The following EHMT1 variants were observed in gnomAD, a reference collection of about 807,000 sequenced individuals.
The protein encoded by EHMT1 is euchromatic histone lysine methyltransferase 1, also known as histone-lysine N-methyltransferase EHMT1.
EHMT1 carries 15 observed loss-of-function variants against 147.2 expected under a neutral mutation model. That is an observed-to-expected ratio of 0.10 (90% CI 0.07 to 0.16). EHMT1 has a LOEUF of 0.16. Ranked by LOEUF, EHMT1 falls within the 10% of genes least tolerant of loss-of-function variation. EHMT1 has a pLI of 1.00. For missense variants in EHMT1, 1,587 were observed against 1,772.4 expected (o/e 0.90, Z 1.88); for synonymous variants, 795 against 709.6 (o/e 1.12, Z -1.91).
rs55974228 is a variant in EHMT1 at position 137,810,005 on chromosome 9, T to G, written c.2713-1456T>G. 1.7e-4 allele frequency among the ~76,000 whole-genome samples: 15 copies of G among 87,720 alleles called. No homozygotes were observed. The South Asian group carries it at 2.5e-3, about 14-fold the overall frequency. The allele number at this position is 87,720 out of a possible 152,430, so 57.5% of individuals were successfully genotyped here. On this transcript the variant is annotated intron_variant, in intron 18 of 26. Transcript: ENST00000460843. ...CCGGAGGCGGTTCCGATGCTGCCCC[T>G]CGTGGACTGTGGGTGATGGGTCCGG...
At chr9:137,620,200 G>T (rs1842869356) in intron 1 of EHMT1, 1 of 152,074 alleles carries the variant, frequency 6.6e-6, no homozygotes, top group African/African-American at 2.4e-5. Flanking sequence ...CAGCATTCAA[G>T]GAATTAATAT....
intron 1 of EHMT1, among the ~76,000 whole-genome samples, chr9:137,678,266 G>T (rs1801383482): frequency 6.6e-6 from 1 of 152,080 alleles, no homozygotes; most frequent in Admixed American, 6.6e-5. Flanking sequence ...CACTGCTAGA[G>T]CCCCCAGCAC....
In EHMT1 at chr9:137,774,962, A is replaced by G. The variant is rs1411420429; in HGVS notation, c.1648-147A>G. On this transcript the variant is annotated intron_variant, in intron 10 of 26. Coordinates refer to ENST00000460843, the MANE Select transcript of EHMT1 (RefSeq NM_024757.5). ...TAGCAGGTGCTCGATAAGTGCTTGC[A>G]AAGCCAAGCTGGCCTTGCAGGGCTC... 3 of 1,157,634 alleles carry G rather than the reference A, an allele frequency of 2.6e-6. No homozygotes were observed. The African/African-American group carries it at 4.6e-5, about 18-fold the overall frequency. The allele number at this position is 1,157,634 out of a possible 1,614,324, so 71.7% of individuals were successfully genotyped here.
intron 1 of EHMT1, among the ~76,000 whole-genome samples, chr9:137,706,058 G>C (rs967051543): frequency 3.3e-5 from 5 of 151,776 alleles, no homozygotes; most frequent in Non-Finnish European, 7.4e-5. Flanking sequence ...GGGGTTGGGG[G>C]TGGGGCGTCA....
chr9:137,642,966 A>T (rs1338986744), intron 1 of EHMT1, among the ~76,000 whole-genome samples: 1 of 151,920 alleles, frequency 6.6e-6, no homozygotes, highest in Non-Finnish European at 1.5e-5. Flanking sequence ...TGCAGCCTTG[A>T]CCTCCTGGGC....
chr9:137,654,058 T>C (rs562446900), intron 1 of EHMT1, among the ~76,000 whole-genome samples: 1 of 152,304 alleles, frequency 6.6e-6, no homozygotes, highest in East Asian at 1.9e-4. Flanking sequence ...CTCCTTTTAT[T>C]GAATAGTCTT....
chr9:137,657,030 C>T (rs75907113), intron 1 of EHMT1, among the ~76,000 whole-genome samples: 33 of 152,230 alleles, frequency 2.2e-4, no homozygotes, highest in East Asian at 1.9e-3. Context: ...TGTGAGCCAC[C>T]GTGCCTGGCC....
intron 1 of EHMT1, among the ~76,000 whole-genome samples, chr9:137,628,409 A>T (rs1034720275): frequency 3.9e-5 from 6 of 152,262 alleles, no homozygotes; most frequent in South Asian, 2.1e-4. Context: ...TTCTTTTTTT[A>T]AAATTACTTA....
intron 1 of EHMT1, among the ~76,000 whole-genome samples, chr9:137,692,032 G>C (rs1942977574): frequency 6.6e-6 from 1 of 152,130 alleles, no homozygotes; most frequent in Non-Finnish European, 1.5e-5. Context: ...TTGTATTGAA[G>C]TGCAAAACAG....
chr9:137,715,742 A>T (rs542396980), intron 2 of EHMT1: 94 of 985,342 alleles, frequency 9.5e-5, no homozygotes, highest in Non-Finnish European at 1.1e-4. Flanking sequence ...AGTGGAGAGC[A>T]GACCACGGAT....
intron 1 of EHMT1, chr9:137,641,517 G>T: frequency 2.6e-6 from 1 of 384,044 alleles, no homozygotes; most frequent in Non-Finnish European, 5.0e-6. Context: ...CAGAAATTGG[G>T]GATTTTGGGA....
intron 1 of EHMT1, among the ~76,000 whole-genome samples, chr9:137,679,684 A>T (rs1333295877): frequency 6.6e-6 from 1 of 152,108 alleles, no homozygotes; most frequent in East Asian, 1.9e-4. Context: ...TTCCTTATAG[A>T]GTTAAGAGTA....
intron 4 of EHMT1, among the ~76,000 whole-genome samples, chr9:137,739,203 C>T (rs1463029801): frequency 6.6e-6 from 1 of 151,610 alleles, no homozygotes; most frequent in African/African-American, 2.4e-5. Flanking sequence ...AACCTCGTCT[C>T]TACTAAAAAT....
intron 1 of EHMT1, among the ~76,000 whole-genome samples, chr9:137,671,402 C>T (rs551034008): frequency 1.2e-3 from 177 of 151,932 alleles, no homozygotes; most frequent in Middle Eastern, 6.8e-3. Flanking sequence ...ATATGATTAA[C>T]GCTTATCACT....
intron 18 of EHMT1, among the ~76,000 whole-genome samples, chr9:137,805,064 CAT>C (rs906222938): frequency 1.1e-4 from 17 of 151,062 alleles, no homozygotes; most frequent in African/African-American, 3.4e-4. Flanking sequence ...TGTCAGTCCA[CAT>C]GTCTGTCAGT....
chr9:137,652,134 G>A (rs1937907309), intron 1 of EHMT1, among the ~76,000 whole-genome samples: 1 of 152,214 alleles, frequency 6.6e-6, no homozygotes, highest in Admixed American at 6.6e-5. Flanking sequence ...CATAGGAGAT[G>A]ACGGCTCCAT....
At chr9:137,759,063 C>T (rs1347860380) in intron 9 of EHMT1, among the ~76,000 whole-genome samples, 1 of 151,828 alleles carries the variant, frequency 6.6e-6, no homozygotes, top group Non-Finnish European at 1.5e-5. Context: ...GGAAGCAGAG[C>T]TTGCAATGAG....
intron 1 of EHMT1, among the ~76,000 whole-genome samples, chr9:137,682,806 G>A (rs1249342198): frequency 6.6e-6 from 1 of 152,246 alleles, no homozygotes; most frequent in Non-Finnish European, 1.5e-5. Context: ...GGCTGGAGAG[G>A]TGGGGAAGGA....
At chr9:137,681,224 C>T (rs561522750) in intron 1 of EHMT1, among the ~76,000 whole-genome samples, 1 of 152,248 alleles carries the variant, frequency 6.6e-6, no homozygotes, top group Admixed American at 6.5e-5. Context: ...GGGAGCTGTC[C>T]TGCTGGGGCA....
Sources: gnomAD v4.1 joint callset for allele counts (sites outside exome capture counted in the v4.1 genomes callset) on GRCh38, gnomAD v4.1.1 for gene constraint, MANE v1.5 for transcripts, NCBI Gene and HGNC (gene_info 2026-07-23, HGNC 2026-07-21) for gene names.